The following SLC44A5 variants were observed in gnomAD, a reference collection of about 807,000 sequenced individuals.
SLC44A5 encodes the protein solute carrier family 44 member 5, also known as choline transporter-like protein 5.
In SLC44A5, 57 loss-of-function variants were observed where a neutral mutation model predicts 101.8. The observed-to-expected ratio is 0.56, with a 90% CI of 0.45 to 0.70. The LOEUF is 0.70. Ranked by LOEUF, SLC44A5 falls within the 30% of genes least tolerant of loss-of-function variation. The pLI is 0.00. For missense variants in SLC44A5, 737 were observed against 853.1 expected, an observed-to-expected ratio of 0.86 and a Z score of 1.70; for synonymous variants, 281 against 290.9, an observed-to-expected ratio of 0.97 and a Z score of 0.35.
intron 2 of SLC44A5, among the ~76,000 whole-genome samples, chr1:75,517,686 A>C (rs1669912602): frequency 1.3e-5 from 2 of 152,228 alleles, no homozygotes; most frequent in Admixed American, 6.5e-5. Context: ...AAAGCAGAAG[A>C]AGCAAAAGGC....
At chr1:75,700,009 G>T in the SLC44A5 span, among the ~76,000 whole-genome samples, 2 of 152,044 alleles carry the variant, frequency 1.3e-5, no homozygotes, top group East Asian at 3.9e-4. Flanking sequence ...CATAAAGCAA[G>T]TCCTGAGTGA....
In SLC44A5 at chr1:75,296,738, T is replaced by A. The variant is rs371396868; in HGVS notation, c.175+3874A>T. Among the ~76,000 whole-genome samples, 6 of 152,182 alleles carry A rather than the reference T, an allele frequency of 3.9e-5. No homozygotes were observed. The East Asian group carries it at 9.6e-4, about 24-fold the overall frequency. On this transcript the variant is annotated intron_variant, in intron 5 of 23. Transcript: ENST00000370859. ...ACTCACGGGGTTTCTGAACACCACC[T>A]GGTCTCAAAACCAATGCCTGTATTG...
At chr1:75,684,324 A>C in the SLC44A5 span, among the ~76,000 whole-genome samples, 1 of 152,162 alleles carries the variant, frequency 6.6e-6, no homozygotes, top group African/African-American at 2.4e-5. Context: ...CCAAAATCTC[A>C]TGTACTCACA....
the SLC44A5 span, among the ~76,000 whole-genome samples, chr1:75,663,027 T>C: frequency 6.6e-6 from 1 of 152,168 alleles, no homozygotes; most frequent in Admixed American, 6.5e-5. Context: ...ATTCAATACA[T>C]AGTCAGTTTA....
At chr1:75,445,193 G>A (rs1452614723) in intron 2 of SLC44A5, among the ~76,000 whole-genome samples, 8 of 151,998 alleles carry the variant, frequency 5.3e-5, no homozygotes, top group South Asian at 2.1e-4. Context: ...CCCTCTCCAC[G>A]GTAATGAGTG....
chr1:75,292,896 C>G (rs1653675055), intron 5 of SLC44A5, among the ~76,000 whole-genome samples: 1 of 152,172 alleles, frequency 6.6e-6, no homozygotes, highest in Non-Finnish European at 1.5e-5. Flanking sequence ...GTGTAGTGTT[C>G]AAGAGCACAG....
chr1:75,581,860 C>A (rs1673715601), intron 1 of SLC44A5, among the ~76,000 whole-genome samples: 1 of 152,194 alleles, frequency 6.6e-6, no homozygotes, highest in African/African-American at 2.4e-5. Context: ...CACAGCAGCT[C>A]CTCTTTGCTT....
chr1:75,259,349 C>T (rs1650290458), intron 6 of SLC44A5, among the ~76,000 whole-genome samples: 1 of 152,090 alleles, frequency 6.6e-6, no homozygotes, highest in Non-Finnish European at 1.5e-5. Context: ...CCTGATGGAG[C>T]TGAAAAACAC....
chr1:75,207,787 T>G (rs1321320484), intron 23 of SLC44A5, among the ~76,000 whole-genome samples: 1 of 152,176 alleles, frequency 6.6e-6, no homozygotes, highest in African/African-American at 2.4e-5. Context: ...AAATGCAAAA[T>G]TCCAGAAATA....
intron 12 of SLC44A5, among the ~76,000 whole-genome samples, chr1:75,229,337 G>A (rs1207002268): frequency 2.0e-5 from 3 of 152,106 alleles, no homozygotes; most frequent in African/African-American, 4.8e-5. Context: ...TTCATTCAGA[G>A]TAAAAGCTTA....
intron 1 of SLC44A5, among the ~76,000 whole-genome samples, chr1:75,608,274 A>G (rs1270243285): frequency 6.6e-6 from 1 of 152,044 alleles, no homozygotes; most frequent in Non-Finnish European, 1.5e-5. Flanking sequence ...AGAAAAAGAT[A>G]TGGAATCAAC....
At chr1:75,397,404 G>A (rs1249811) in intron 2 of SLC44A5, among the ~76,000 whole-genome samples, 95,236 of 152,066 alleles carry the variant, frequency 0.63, 31,327 homozygotes, top group East Asian at 0.96. Flanking sequence ...CATGGGCAGA[G>A]ATTACAATGC....
intron 2 of SLC44A5, among the ~76,000 whole-genome samples, chr1:75,450,656 G>A (rs745476074): frequency 6.6e-6 from 1 of 152,140 alleles, no homozygotes; most frequent in Non-Finnish European, 1.5e-5. Context: ...GACATGAAAC[G>A]GGTCTATGTA....
At chr1:75,481,929 C>A (rs892955878) in intron 2 of SLC44A5, among the ~76,000 whole-genome samples, 1 of 152,064 alleles carries the variant, frequency 6.6e-6, no homozygotes, top group African/African-American at 2.4e-5. Context: ...GGTATATACC[C>A]AAAGGACTAT....
intron 2 of SLC44A5, among the ~76,000 whole-genome samples, chr1:75,450,763 A>C (rs1227063532): frequency 6.6e-6 from 1 of 152,130 alleles, no homozygotes; most frequent in Non-Finnish European, 1.5e-5. Flanking sequence ...GACTTGGAGC[A>C]CCTGCTCACC....
chr1:75,298,576 G>A (rs1654174787), intron 5 of SLC44A5, among the ~76,000 whole-genome samples: 1 of 151,882 alleles, frequency 6.6e-6, no homozygotes, highest in Admixed American at 6.6e-5. Flanking sequence ...CTCTATATAA[G>A]GACACAAAGC....
chr1:75,236,010 A>C (rs972470691), intron 11 of SLC44A5, among the ~76,000 whole-genome samples: 2 of 152,062 alleles, frequency 1.3e-5, no homozygotes, highest in Non-Finnish European at 2.9e-5. Flanking sequence ...GAAGTAAGTA[A>C]TTACATCTGG....
intron 3 of SLC44A5, among the ~76,000 whole-genome samples, chr1:75,377,227 G>C (rs909246965): frequency 1.0e-4 from 14 of 135,322 alleles, no homozygotes; most frequent in African/African-American, 2.5e-4. Flanking sequence ...CCCCAACCCC[G>C]TGCTCTCTGA....
the SLC44A5 span, among the ~76,000 whole-genome samples, chr1:75,673,635 A>T: frequency 6.6e-6 from 1 of 152,168 alleles, no homozygotes; most frequent in Non-Finnish European, 1.5e-5. Flanking sequence ...TGTTGGCTTC[A>T]GGCCTGACCC....
Sources: allele counts gnomAD v4.1 joint callset (sites outside exome capture counted in the v4.1 genomes callset), GRCh38; gene constraint gnomAD v4.1.1; transcripts MANE v1.5; gene names NCBI Gene and HGNC (gene_info 2026-07-23, HGNC 2026-07-21).